Variants in ZFPM2 observed in about 807,000 individuals in gnomAD.
The protein encoded by ZFPM2 is zinc finger protein, FOG family member 2, also known as zinc finger protein ZFPM2.
ZFPM2 carries 20 observed loss-of-function variants against 98.6 expected under a neutral mutation model. That is an observed-to-expected ratio of 0.20 (90% CI 0.14 to 0.29). ZFPM2 has a LOEUF of 0.29. Ranked by LOEUF, ZFPM2 falls within the 10% of genes least tolerant of loss-of-function variation. The pLI is 1.00. For synonymous variants in ZFPM2, 518 were observed against 502.7 expected (o/e 1.03, Z -0.41); for missense variants, 1,310 against 1,388.6 (o/e 0.94, Z 0.90).
intron 4 of ZFPM2, among the ~76,000 whole-genome samples, chr8:105,568,986 C>T (rs1303906427): frequency 1.3e-5 from 2 of 151,938 alleles, no homozygotes; most frequent in Non-Finnish European, 2.9e-5. Context: ...ATTCCCCCCT[C>T]CCCACCTATC....
At chr8:105,543,187 A>T (rs1236810401) in intron 3 of ZFPM2, among the ~76,000 whole-genome samples, 2 of 152,204 alleles carry the variant, frequency 1.3e-5, no homozygotes, top group Admixed American at 1.3e-4. Flanking sequence ...TCTCCTTTTA[A>T]GAGAAGCGAA....
chr8:105,609,548 G>A (rs1401882197), intron 4 of ZFPM2, among the ~76,000 whole-genome samples: 1 of 152,080 alleles, frequency 6.6e-6, no homozygotes, highest in Non-Finnish European at 1.5e-5. Context: ...TGAATTCCTA[G>A]TGCACAGCCT....
At chr8:105,679,436 T>C (rs1414461986) in intron 5 of ZFPM2, among the ~76,000 whole-genome samples, 1 of 143,788 alleles carries the variant, frequency 7.0e-6, no homozygotes, top group Non-Finnish European at 1.6e-5. Flanking sequence ...ATAAAAGCAC[T>C]TTTAGATTTA....
rs1391767231 is a variant in ZFPM2, at chr8:105,802,614, C to T, written c.2532C>T (p.Thr844=). ...KKCLSQSERT[T]TSPKRLLDYH... ...GTTTATCTCAGTCTGAGCGGACGAC[C>T]ACGTCTCCCAAAAGGCTGCTGGACT... is the stretch of plus-strand genomic sequence containing the variant. The change falls in exon 8 of 8, where the codon ACC becomes ACT. Residue 844 remains threonine (T), a synonymous_variant. Transcript: ENST00000407775. The T allele has an allele frequency of 1.2e-6, 2 of 1,610,436 alleles. No individual in the cohort carries two copies. The highest frequency in any genetic ancestry group is 3.4e-5 in the Admixed American group (2 of 59,462).
At chr8:105,601,060 T>A (rs1166537093) in intron 4 of ZFPM2, among the ~76,000 whole-genome samples, 1 of 152,132 alleles carries the variant, frequency 6.6e-6, no homozygotes, top group African/African-American at 2.4e-5. Flanking sequence ...CTGGGTTCCA[T>A]GGCTGAGCCA....
intron 5 of ZFPM2, among the ~76,000 whole-genome samples, chr8:105,760,986 A>T (rs1812723082): frequency 6.6e-6 from 1 of 152,048 alleles, no homozygotes; most frequent in South Asian, 2.1e-4. Flanking sequence ...TTCAGAGAGA[A>T]TAAGCAATTA....
intron 5 of ZFPM2, among the ~76,000 whole-genome samples, chr8:105,655,500 G>A (rs1817266156): frequency 6.6e-6 from 1 of 152,004 alleles, no homozygotes; most frequent in Admixed American, 6.6e-5. Context: ...CAAAGTGCTG[G>A]GATTACAGGC....
At chr8:105,550,408 G>A (rs1057494261) in intron 3 of ZFPM2, among the ~76,000 whole-genome samples, 3 of 152,104 alleles carry the variant, frequency 2.0e-5, no homozygotes, top group African/African-American at 7.2e-5. Context: ...ATATGAAAGG[G>A]TCAGAAAACC....
chr8:105,546,774 G>T (rs1449315621), intron 3 of ZFPM2, among the ~76,000 whole-genome samples: 2 of 152,102 alleles, frequency 1.3e-5, no homozygotes, highest in Non-Finnish European at 2.9e-5. Context: ...ATATAAGCTA[G>T]TAGTGCTCAA....
At chr8:105,342,762 C>G (rs1001740705) in intron 1 of ZFPM2, among the ~76,000 whole-genome samples, 2 of 151,940 alleles carry the variant, frequency 1.3e-5, no homozygotes, top group Admixed American at 1.3e-4. Flanking sequence ...TTTGTTGATT[C>G]TGTTTGAAAG....
intron 3 of ZFPM2, among the ~76,000 whole-genome samples, chr8:105,454,438 C>G (rs1460460336): frequency 6.6e-6 from 1 of 152,174 alleles, no homozygotes. Context: ...CTGGGTGCCC[C>G]ACTGGATGCT....
At chr8:105,574,043 G>A (rs1398219881) in intron 4 of ZFPM2, among the ~76,000 whole-genome samples, 1 of 152,130 alleles carries the variant, frequency 6.6e-6, no homozygotes. Context: ...CTTTTATTAT[G>A]CCTGTGAATA....
At chr8:105,498,540 A>T (rs1586417376) in intron 3 of ZFPM2, among the ~76,000 whole-genome samples, 1 of 152,308 alleles carries the variant, frequency 6.6e-6, no homozygotes, top group East Asian at 1.9e-4. Flanking sequence ...TAGTTTACTT[A>T]GTAGCTGTCT....
chr8:105,388,424 A>G (rs564331116), intron 1 of ZFPM2, among the ~76,000 whole-genome samples: 1 of 152,230 alleles, frequency 6.6e-6, no homozygotes. Flanking sequence ...GACTTGCAGT[A>G]TAAGTCGTGA....
At chr8:105,670,268 G>A (rs557622973) in intron 5 of ZFPM2, among the ~76,000 whole-genome samples, 5 of 152,040 alleles carry the variant, frequency 3.3e-5, no homozygotes, top group South Asian at 2.1e-4. Context: ...AGGCCAAGGC[G>A]GGCGGGTCAC....
intron 1 of ZFPM2, among the ~76,000 whole-genome samples, chr8:105,350,226 A>C (rs1415120438): frequency 6.6e-6 from 1 of 152,192 alleles, no homozygotes; most frequent in African/African-American, 2.4e-5. Context: ...ATCATGAAAC[A>C]ATAATTTGCC....
chr8:105,540,081 A>G (rs1050889243), intron 3 of ZFPM2, among the ~76,000 whole-genome samples: 3 of 151,892 alleles, frequency 2.0e-5, no homozygotes, highest in African/African-American at 4.8e-5. Flanking sequence ...TGCTTTCTCA[A>G]TCTTTATCTC....
chr8:105,704,189 A>C (rs1022878659), intron 5 of ZFPM2, among the ~76,000 whole-genome samples: 8 of 152,138 alleles, frequency 5.3e-5, no homozygotes, highest in African/African-American at 1.9e-4. Context: ...AACATTGCTA[A>C]ATTGGTTTTA....
At chr8:105,525,230 A>G (rs1292662976) in intron 3 of ZFPM2, among the ~76,000 whole-genome samples, 1 of 152,170 alleles carries the variant, frequency 6.6e-6, no homozygotes, top group Non-Finnish European at 1.5e-5. Flanking sequence ...TAGGCTGCAA[A>G]TAGTCTTTGG....
Sources: allele counts gnomAD v4.1 joint callset (sites outside exome capture counted in the v4.1 genomes callset), GRCh38; gene constraint gnomAD v4.1.1; transcripts MANE v1.5; gene names NCBI Gene and HGNC (gene_info 2026-07-23, HGNC 2026-07-21).